Variants in GRIA4 observed in about 807,000 individuals in gnomAD.
The protein encoded by GRIA4 is glutamate ionotropic receptor AMPA type subunit 4.
In GRIA4, 34 loss-of-function variants were observed where a neutral mutation model predicts 104.0. The ratio of observed to expected loss-of-function variants is 0.33; its 90% CI spans 0.25 to 0.44. GRIA4 has a LOEUF of 0.44. Ranked by LOEUF, GRIA4 falls within the 20% of genes least tolerant of loss-of-function variation. GRIA4 has a pLI of 1.00. For synonymous variants in GRIA4, 386 were observed against 381.9 expected (o/e 1.01, Z -0.13); for missense variants, 750 against 1,096.5 (o/e 0.68, Z 4.46).
At chr11:105,950,566 T>C (rs1948432499) in intron 14 of GRIA4, among the ~76,000 whole-genome samples, 1 of 152,138 alleles carries the variant, frequency 6.6e-6, no homozygotes. Context: ...AAAGACATTT[T>C]AACTTTGGAA....
intron 3 of GRIA4, among the ~76,000 whole-genome samples, chr11:105,685,719 C>T (rs1328876088): frequency 6.6e-6 from 1 of 151,888 alleles, no homozygotes; most frequent in Non-Finnish European, 1.5e-5. Context: ...AAAGCACTGA[C>T]AAATATATGA....
intron 4 of GRIA4, among the ~76,000 whole-genome samples, chr11:105,852,827 C>T (rs1393401790): frequency 8.0e-6 from 1 of 125,338 alleles, no homozygotes; most frequent in Non-Finnish European, 1.8e-5. Flanking sequence ...TCACCAGAAT[C>T]ATCACAAGAA....
At chr11:105,894,002 C>T (rs1057158015) in intron 6 of GRIA4, among the ~76,000 whole-genome samples, 7 of 152,088 alleles carry the variant, frequency 4.6e-5, no homozygotes, top group African/African-American at 1.7e-4. Context: ...AATTAGTGGG[C>T]ATATAATAGG....
intron 3 of GRIA4, among the ~76,000 whole-genome samples, chr11:105,682,840 T>C (rs754328531): frequency 3.3e-5 from 5 of 152,218 alleles, no homozygotes; most frequent in African/African-American, 7.2e-5. Flanking sequence ...ACAGATGCAG[T>C]TGTCTTTAGC....
chr11:105,681,909 G>C (rs934087204), intron 3 of GRIA4, among the ~76,000 whole-genome samples: 2 of 152,004 alleles, frequency 1.3e-5, no homozygotes, highest in Non-Finnish European at 2.9e-5. Context: ...AAGCATGGTC[G>C]TGGGCGCCTG....
rs1463720283 is a variant in GRIA4 at position 105,903,839 on chromosome 11, G to C, written c.911G>C (p.Gly304Ala). ...TACACCTCTGCTCTGACTTATGATG[G>C]AGTCCTTGTGATGGCTGAAACTTTC... ...PKYTSALTYD[G>A]VLVMAETFRS... Residue 304 changes from glycine (G) to alanine (A), a missense_variant, in exon 8 of 17, where the codon GGA becomes GCA. By Grantham distance (60) the Gly-to-Ala change is moderately conservative. This residue lies in a region of GRIA4 where 410 missense variants were observed against 502.7 expected (regional missense o/e 0.82). Coordinates refer to ENST00000282499, the MANE Select transcript of GRIA4 (RefSeq NM_000829.4). The C allele has an allele frequency of 3.1e-6, 5 of 1,610,514 alleles. No individual in the cohort carries two copies. In the African/African-American group the frequency reaches 6.7e-5, roughly 22 times the overall value.
At chr11:105,896,576 T>C (rs1175540105) in intron 6 of GRIA4, among the ~76,000 whole-genome samples, 1 of 152,140 alleles carries the variant, frequency 6.6e-6, no homozygotes, top group Non-Finnish European at 1.5e-5. Context: ...TAGTCTTTAA[T>C]CTATCTTAAT....
intron 3 of GRIA4, among the ~76,000 whole-genome samples, chr11:105,713,747 T>C (rs1047447463): frequency 2.0e-5 from 3 of 152,168 alleles, no homozygotes; most frequent in African/African-American, 2.4e-5. Flanking sequence ...TATATGCTAA[T>C]TAACAGCACA....
intron 4 of GRIA4, among the ~76,000 whole-genome samples, chr11:105,760,282 T>A (rs764105307): frequency 5.3e-5 from 8 of 152,112 alleles, no homozygotes; most frequent in Non-Finnish European, 1.0e-4. Flanking sequence ...TCCTGCCAAA[T>A]GTGTATCACC....
In GRIA4 at chr11:105,644,079, G is replaced by GA. The variant is rs560537971; in HGVS notation, c.247+31651dup. ...GACATCAGATATCAGAAGAGTATGA[G>GA]AAAAAACCAGCATAGAAAAATTTTC... On this transcript the variant is annotated intron_variant, in intron 3 of 16. Coordinates refer to ENST00000282499, the MANE Select transcript of GRIA4 (RefSeq NM_000829.4). 1.5e-4 allele frequency among the ~76,000 whole-genome samples: 23 copies of GA among 152,128 alleles called. No individual in the cohort carries two copies. In the East Asian group the frequency reaches 4.3e-3, roughly 28 times the overall value.
chr11:105,752,442 CA>C (rs1437660851), intron 3 of GRIA4, among the ~76,000 whole-genome samples: 3 of 151,978 alleles, frequency 2.0e-5, no homozygotes, highest in African/African-American at 7.3e-5. Flanking sequence ...ATGAAATTGC[CA>C]CAGCAAGCAA....
At chr11:105,850,343 C>T (rs912481701) in intron 4 of GRIA4, among the ~76,000 whole-genome samples, 4 of 152,098 alleles carry the variant, frequency 2.6e-5, no homozygotes, top group Admixed American at 6.6e-5. Flanking sequence ...AGAAAACTTG[C>T]CTACATTTAT....
intron 4 of GRIA4, among the ~76,000 whole-genome samples, chr11:105,830,922 T>C (rs1437189571): frequency 6.6e-6 from 1 of 152,000 alleles, no homozygotes; most frequent in Non-Finnish European, 1.5e-5. Context: ...CTAGTGATCT[T>C]ATCTGTCTTT....
At position 105,973,515 on chromosome 11, in the gene GRIA4, A is replaced by AT. The variant is rs1469461036; in HGVS notation, c.2410-790dup. ...TCTCTAAAATATTAATGGACTAAGC[A>AT]TTTTTAAGTGGGAATTATATTGTAT... is the stretch of plus-strand genomic sequence containing the variant. On this transcript the variant is annotated intron_variant, in intron 15 of 16. Transcript: ENST00000282499. Among the ~76,000 whole-genome samples, 4 of 152,058 alleles carry AT rather than the reference A, an allele frequency of 2.6e-5. No individual in the cohort carries two copies. In the East Asian group the frequency reaches 7.7e-4, roughly 29 times the overall value.
chr11:105,701,135 C>T (rs868134466), intron 3 of GRIA4, among the ~76,000 whole-genome samples: 7 of 152,248 alleles, frequency 4.6e-5, no homozygotes, highest in East Asian at 1.9e-4. Context: ...CTCCTGAGAC[C>T]GACTGAGGCA....
At chr11:105,619,141 GTTC>G (rs1287775687) in intron 3 of GRIA4, among the ~76,000 whole-genome samples, 1 of 151,532 alleles carries the variant, frequency 6.6e-6, no homozygotes, top group East Asian at 1.9e-4. Flanking sequence ...GGCCTAGAAT[GTTC>G]TTCTTTCACT....
chr11:105,734,057 T>C (rs2135623353), intron 3 of GRIA4, among the ~76,000 whole-genome samples: 1 of 147,426 alleles, frequency 6.8e-6, no homozygotes, highest in African/African-American at 2.5e-5. Flanking sequence ...AATATATGTA[T>C]ATTATATATA....
chr11:105,888,002 T>G (rs1946326293), intron 6 of GRIA4, among the ~76,000 whole-genome samples: 1 of 152,172 alleles, frequency 6.6e-6, no homozygotes, highest in Non-Finnish European at 1.5e-5. Context: ...AATCCAAATT[T>G]TTAAAAATTA....
chr11:105,752,848 C>T, intron 3 of GRIA4, 133 bp from the exon 4 acceptor site: 1 of 799,166 alleles, frequency 1.3e-6, no homozygotes. Flanking sequence ...TTCACTTATA[C>T]TCTTTATCTT....
Sources: allele counts gnomAD v4.1 joint callset (sites outside exome capture counted in the v4.1 genomes callset), GRCh38; gene constraint gnomAD v4.1.1; regional missense constraint gnomAD v4.1.1; transcripts MANE v1.5; gene names NCBI Gene and HGNC (gene_info 2026-07-23, HGNC 2026-07-21).